CDH13: variants seen among roughly 807,000 people sequenced by gnomAD.
CDH13 encodes cadherin 13.
A neutral mutation model predicts 63.8 loss-of-function variants in CDH13; 24 were observed. The ratio of observed to expected loss-of-function variants is 0.38; its 90% CI spans 0.27 to 0.53. The LOEUF is 0.53. CDH13 is among the 20% of genes least tolerant of loss of function. The pLI is 0.85. For synonymous variants in CDH13, 503 were observed against 355.3 expected (o/e 1.42, Z -4.67); for missense variants, 1,049 against 903.1 (o/e 1.16, Z -2.07).
In CDH13 at chr16:83,167,554, G is replaced by T. The variant is rs1466981904; in HGVS notation, c.483+42053G>T. Among the ~76,000 whole-genome samples, 33 of 147,534 alleles carry T rather than the reference G, an allele frequency of 2.2e-4. No individual in the cohort carries two copies. In the Admixed American group the frequency reaches 2.3e-3, roughly 10 times the overall value. On this transcript the variant is annotated intron_variant, in intron 4 of 13. Transcript: ENST00000567109. ...AAGTTGGAGTAGCCTGGGCTCCCGT[G>T]TTGGCTTTATTACTGAGCTGTGTGC...
At chr16:83,522,058 T>C (rs758888915) in intron 7 of CDH13, among the ~76,000 whole-genome samples, 1 of 152,200 alleles carries the variant, frequency 6.6e-6, no homozygotes, top group Non-Finnish European at 1.5e-5. Flanking sequence ...GCCACCTTCC[T>C]TCCTAGGTAA....
intron 2 of CDH13, among the ~76,000 whole-genome samples, chr16:83,001,429 A>AT (rs1912918066): frequency 6.6e-6 from 1 of 152,166 alleles, no homozygotes; most frequent in Non-Finnish European, 1.5e-5. Flanking sequence ...GATAATGGAT[A>AT]TTTTTTCATC....
At chr16:83,503,048 A>G (rs947921412) in intron 7 of CDH13, among the ~76,000 whole-genome samples, 2 of 152,170 alleles carry the variant, frequency 1.3e-5, no homozygotes, top group African/African-American at 4.8e-5. Flanking sequence ...CCAGCCTTAC[A>G]AAGGCTACAC....
At chr16:82,728,642 G>C (rs1380766759) in intron 1 of CDH13, among the ~76,000 whole-genome samples, 1 of 152,138 alleles carries the variant, frequency 6.6e-6, no homozygotes, top group Non-Finnish European at 1.5e-5. Flanking sequence ...GCCTTGATGT[G>C]ACATTGATGG....
At chr16:83,670,590 A>G (rs1261384394) in intron 8 of CDH13, among the ~76,000 whole-genome samples, 200 bp from the exon 9 acceptor site, 4 of 152,238 alleles carry the variant, frequency 2.6e-5, no homozygotes, top group African/African-American at 9.6e-5. Context: ...CACATTCTGC[A>G]GGAGAGAAGT....
chr16:83,158,312 G>C (rs2037302609), intron 4 of CDH13, among the ~76,000 whole-genome samples: 1 of 152,136 alleles, frequency 6.6e-6, no homozygotes, highest in Non-Finnish European at 1.5e-5. Flanking sequence ...CTGCCTCTCT[G>C]AATGTTGTTT....
At chr16:83,516,443 C>T (rs751923164) in intron 7 of CDH13, among the ~76,000 whole-genome samples, 3 of 152,088 alleles carry the variant, frequency 2.0e-5, no homozygotes, top group African/African-American at 2.4e-5. Flanking sequence ...AATCAAGAAG[C>T]CAAGGATCTG....
chr16:83,508,006 T>C (rs1046589138), intron 7 of CDH13, among the ~76,000 whole-genome samples: 1 of 142,580 alleles, frequency 7.0e-6, no homozygotes, highest in Non-Finnish European at 1.5e-5. Context: ...CACTCCAGCT[T>C]GGGCAACAAG....
chr16:82,670,265 G>C (rs1317050737), intron 1 of CDH13, among the ~76,000 whole-genome samples: 2 of 152,186 alleles, frequency 1.3e-5, no homozygotes, highest in African/African-American at 2.4e-5. Context: ...ATCATCTAGA[G>C]GGATCAGGAA....
intron 4 of CDH13, among the ~76,000 whole-genome samples, chr16:83,141,094 G>A (rs2036510450): frequency 6.6e-6 from 1 of 152,096 alleles, no homozygotes. Flanking sequence ...CTTTTTTGTT[G>A]TATTTATATT....
At chr16:82,856,702 A>C (rs963841488) in intron 1 of CDH13, among the ~76,000 whole-genome samples, 2 of 142,878 alleles carry the variant, frequency 1.4e-5, no homozygotes, top group African/African-American at 5.4e-5. Flanking sequence ...TCAAAAAAAA[A>C]AAAAAAAAAA....
intron 7 of CDH13, among the ~76,000 whole-genome samples, chr16:83,601,682 A>G (rs1409220226): frequency 1.3e-5 from 2 of 152,236 alleles, no homozygotes; most frequent in Non-Finnish European, 2.9e-5. Context: ...TCAGATTTTC[A>G]GTAAATGTGA....
intron 10 of CDH13, among the ~76,000 whole-genome samples, chr16:83,708,923 C>G (rs913899518): frequency 2.6e-5 from 4 of 152,128 alleles, no homozygotes; most frequent in African/African-American, 9.7e-5. Flanking sequence ...ACTCAGGAGG[C>G]TGAGGCAGGA....
chr16:83,313,540 GT>G (rs1305714102), intron 5 of CDH13, among the ~76,000 whole-genome samples: 1 of 151,098 alleles, frequency 6.6e-6, no homozygotes, highest in Non-Finnish European at 1.5e-5. Context: ...ATTTTTAGAG[GT>G]TCTCAACCCA....
chr16:82,756,843 C>T (rs777668977), intron 1 of CDH13, among the ~76,000 whole-genome samples: 3 of 152,206 alleles, frequency 2.0e-5, no homozygotes, highest in Admixed American at 6.5e-5. Flanking sequence ...CAATGCATGA[C>T]TATCACCTTG....
At chr16:82,900,793 G>T (rs1477582541) in intron 2 of CDH13, among the ~76,000 whole-genome samples, 2 of 152,168 alleles carry the variant, frequency 1.3e-5, no homozygotes, top group East Asian at 1.9e-4. Context: ...AGTGAAGGAA[G>T]AATCAATCAC....
chr16:82,668,641 T>TG (rs1297171645), intron 1 of CDH13, among the ~76,000 whole-genome samples: 1 of 152,184 alleles, frequency 6.6e-6, no homozygotes, highest in Non-Finnish European at 1.5e-5. Flanking sequence ...CAGCATTCCT[T>TG]GGGGTAAGGT....
At chr16:83,006,178 A>C (rs1410093625) in intron 2 of CDH13, among the ~76,000 whole-genome samples, 1 of 152,162 alleles carries the variant, frequency 6.6e-6, no homozygotes, top group Non-Finnish European at 1.5e-5. Flanking sequence ...GGCATTTTCA[A>C]GTCTCAATCA....
intron 4 of CDH13, among the ~76,000 whole-genome samples, chr16:83,139,954 A>G (rs534492965): frequency 6.6e-6 from 1 of 152,200 alleles, no homozygotes; most frequent in Non-Finnish European, 1.5e-5. Flanking sequence ...GTGAGCCAAG[A>G]TCATACCATT....
Sources: gnomAD v4.1 joint callset for allele counts (sites outside exome capture counted in the v4.1 genomes callset) on GRCh38, gnomAD v4.1.1 for gene constraint, MANE v1.5 for transcripts, NCBI Gene and HGNC (gene_info 2026-07-23, HGNC 2026-07-21) for gene names.